The following MACROD2 variants were observed in gnomAD, a reference collection of about 807,000 sequenced individuals.
The protein encoded by MACROD2 is mono-ADP ribosylhydrolase 2, also known as ADP-ribose glycohydrolase MACROD2.
In MACROD2, 36 loss-of-function variants were observed where a neutral mutation model predicts 70.4. That is an observed-to-expected ratio of 0.51 (90% CI 0.39 to 0.68). The LOEUF is 0.68. Among genes scored for constraint, MACROD2 ranks in the 30% least tolerant of loss-of-function variants. The probability of loss-of-function intolerance (pLI) is 0.00; values close to 1 mark genes in which losing one functional copy is unlikely to be tolerated. For synonymous variants in MACROD2, 172 were observed against 178.8 expected, an observed-to-expected ratio of 0.96 and a Z score of 0.30; for missense variants, 496 against 538.4, an observed-to-expected ratio of 0.92 and a Z score of 0.78.
At chr20:15,735,816 T>C (rs565877491) in intron 8 of MACROD2, among the ~76,000 whole-genome samples, 20 of 152,304 alleles carry the variant, frequency 1.3e-4, no homozygotes, top group African/African-American at 4.6e-4. Flanking sequence ...TTGCATGAAA[T>C]GAGAAAGTCA....
intron 7 of MACROD2, among the ~76,000 whole-genome samples, chr20:15,487,832 C>CA (rs566578303): frequency 2.4e-3 from 358 of 152,256 alleles, no homozygotes; most frequent in Non-Finnish European, 3.8e-3. Context: ...CACTGAAGAG[C>CA]AAAAGCCAAT....
At chr20:14,322,986 C>CA (rs1489501380) in intron 3 of MACROD2, 1 of 152,110 alleles carries the variant, frequency 6.6e-6, no homozygotes, top group African/African-American at 2.4e-5. Context: ...AACACAAACT[C>CA]AAAGTGTGTA....
chr20:15,654,516 A>C (rs966080690), intron 8 of MACROD2, among the ~76,000 whole-genome samples: 5 of 152,170 alleles, frequency 3.3e-5, no homozygotes, highest in Non-Finnish European at 5.9e-5. Context: ...CAAAGTAGAT[A>C]TCTCTCCCTC....
At chr20:15,420,804 C>A (rs769424226) in intron 6 of MACROD2, among the ~76,000 whole-genome samples, 3 of 152,028 alleles carry the variant, frequency 2.0e-5, no homozygotes, top group African/African-American at 7.2e-5. Context: ...TTGGTTGTAA[C>A]GCTGGATATG....
At chr20:14,469,456 T>G (rs538459573) in intron 3 of MACROD2, among the ~76,000 whole-genome samples, 2 of 152,238 alleles carry the variant, frequency 1.3e-5, no homozygotes, top group South Asian at 2.1e-4. Flanking sequence ...CTCTACTTCC[T>G]GAATTTGAAT....
chr20:14,677,682 C>A (rs1394776665), intron 4 of MACROD2, among the ~76,000 whole-genome samples: 1 of 152,168 alleles, frequency 6.6e-6, no homozygotes, highest in Non-Finnish European at 1.5e-5. Context: ...CCAATACTAG[C>A]TGACCTTACC....
intron 5 of MACROD2, among the ~76,000 whole-genome samples, chr20:14,997,442 C>A (rs1033455321): frequency 6.6e-6 from 1 of 152,074 alleles, no homozygotes; most frequent in Non-Finnish European, 1.5e-5. Context: ...TCGGGTGAGA[C>A]CCAGTTCTGT....
intron 5 of MACROD2, among the ~76,000 whole-genome samples, chr20:15,220,942 C>T (rs901112481): frequency 6.6e-6 from 1 of 152,104 alleles, no homozygotes; most frequent in African/African-American, 2.4e-5. Context: ...GCAGAAGAGT[C>T]TTTCTTGTCC....
chr20:15,706,244 C>A (rs2050530526), intron 8 of MACROD2, among the ~76,000 whole-genome samples: 1 of 152,222 alleles, frequency 6.6e-6, no homozygotes, highest in Non-Finnish European at 1.5e-5. Flanking sequence ...ATGACCTCTC[C>A]TTTAAGCTCT....
At chr20:15,859,459 C>A (rs1055388905) in intron 8 of MACROD2, among the ~76,000 whole-genome samples, 1 of 152,108 alleles carries the variant, frequency 6.6e-6, no homozygotes, top group Non-Finnish European at 1.5e-5. Flanking sequence ...CATCGCATGC[C>A]ATCTTGGAAG....
In MACROD2 at chr20:15,378,117, G is replaced by A. The variant is rs552909793; in HGVS notation, c.541-53288G>A. ...TAACAAACCTGCACGTTCTGCATAT[G>A]TATCCCAGAACTTAAGCTATAAGAA... On this transcript the variant is annotated intron_variant, in intron 6 of 17. Coordinates refer to ENST00000684519, the MANE Select transcript of MACROD2 (RefSeq NM_001351661.2). 4.0e-5 allele frequency among the ~76,000 whole-genome samples: 6 copies of A among 151,646 alleles called. No homozygotes were observed. The South Asian group carries it at 1.3e-3, about 32-fold the overall frequency.
At chr20:15,602,521 T>C (rs567144157) in intron 8 of MACROD2, among the ~76,000 whole-genome samples, 3 of 152,334 alleles carry the variant, frequency 2.0e-5, no homozygotes, top group Admixed American at 6.5e-5. Context: ...CTTCAGTAGC[T>C]ACTTCAGTTT....
chr20:14,554,981 G>A (rs754012302), intron 4 of MACROD2, among the ~76,000 whole-genome samples: 1 of 151,010 alleles, frequency 6.6e-6, no homozygotes, highest in Non-Finnish European at 1.5e-5. Flanking sequence ...ATAGGTTAGA[G>A]GTAGGGGGTA....
At chr20:14,432,044 T>G (rs959767768) in intron 3 of MACROD2, among the ~76,000 whole-genome samples, 5 of 152,152 alleles carry the variant, frequency 3.3e-5, no homozygotes, top group African/African-American at 1.2e-4. Context: ...TTTTAAAAAA[T>G]TCAGATTATG....
chr20:14,215,124 A>G (rs1236754566), intron 3 of MACROD2, among the ~76,000 whole-genome samples: 5 of 144,318 alleles, frequency 3.5e-5, no homozygotes, highest in Non-Finnish European at 5.9e-5. Flanking sequence ...TCATATATAT[A>G]TTCCATCATA....
At chr20:14,122,831 A>G (rs1021339108) in intron 3 of MACROD2, among the ~76,000 whole-genome samples, 3 of 152,162 alleles carry the variant, frequency 2.0e-5, no homozygotes, top group Non-Finnish European at 4.4e-5. Flanking sequence ...TGAGGTTGTT[A>G]GATGCACCCC....
At chr20:14,289,412 A>G (rs1414275537) in intron 3 of MACROD2, among the ~76,000 whole-genome samples, 1 of 152,224 alleles carries the variant, frequency 6.6e-6, no homozygotes. Flanking sequence ...TGTGTAAAAC[A>G]GATGCTTGCT....
intron 4 of MACROD2, among the ~76,000 whole-genome samples, chr20:14,528,620 G>A (rs6135168): frequency 0.059 from 8,930 of 152,122 alleles, 296 homozygotes; most frequent in Middle Eastern, 0.082. Flanking sequence ...TTGTTAGGCT[G>A]ACTTTTCTTT....
chr20:14,346,785 T>C (rs1355270981), intron 3 of MACROD2, among the ~76,000 whole-genome samples: 1 of 152,198 alleles, frequency 6.6e-6, no homozygotes, highest in Non-Finnish European at 1.5e-5. Flanking sequence ...ACCCCTAGTT[T>C]AATGCCTTGT....
Sources: allele counts gnomAD v4.1 joint callset (sites outside exome capture counted in the v4.1 genomes callset), GRCh38; gene constraint gnomAD v4.1.1; transcripts MANE v1.5; gene names NCBI Gene and HGNC (gene_info 2026-07-23, HGNC 2026-07-21).